The following ZNF136 variants were observed in gnomAD, a reference collection of about 807,000 sequenced individuals.
The protein encoded by ZNF136 is zinc finger protein 136.
In ZNF136, 8 loss-of-function variants were observed where a neutral mutation model predicts 11.4. The observed-to-expected ratio is 0.70, with a 90% CI of 0.41 to 1.27. The LOEUF is 1.27. Among genes scored for constraint, ZNF136 ranks in the 50% most tolerant of loss-of-function variants. The pLI is 0.01. For synonymous variants in ZNF136, 190 were observed against 207.1 expected, an observed-to-expected ratio of 0.92 and a Z score of 0.71; for missense variants, 590 against 656.5, an observed-to-expected ratio of 0.90 and a Z score of 1.11.
Position 12,187,880 on chromosome 19 carries a change from A to C in ZNF136, c.1502A>C (p.Gln501Pro), listed in dbSNP as rs1014285186. Reference sequence around the variant, plus strand: ...CTACATGAAAGGACTCACACTGGACAGAAACCCTATCATTGCAAGGAATGT... The same window carrying C: ...CTACATGAAAGGACTCACACTGGACCGAAACCCTATCATTGCAAGGAATGT... ...FRLHERTHTG[Q>P]KPYHCKECGK... is the part of the protein sequence containing the mutation. Residue 501 changes from glutamine to proline, a missense_variant, in exon 4 of 4, where the codon CAG (glutamine) becomes CCG (proline). Coordinates refer to ENST00000343979, the MANE Select transcript of ZNF136 (RefSeq NM_003437.5). 1 of 1,601,834 alleles carries C rather than the reference A, an allele frequency of 6.2e-7. No individual in the cohort carries two copies. Among genetic ancestry groups the C allele is most frequent in the Non-Finnish European group, 8.5e-7 (1 of 1,176,316 alleles).
intron 1 of ZNF136, among the ~76,000 whole-genome samples, chr19:12,181,942 T>G (rs1914953963): frequency 6.6e-6 from 1 of 152,114 alleles, no homozygotes. Flanking sequence ...GCCATTTTTT[T>G]GTGTTTTTTA....
intron 1 of ZNF136, chr19:12,169,483 G>A (rs1206398763): frequency 6.6e-6 from 1 of 152,208 alleles, no homozygotes; most frequent in Admixed American, 6.5e-5. Context: ...CATCTCCACA[G>A]TGAGAGTGTA....
intron 1 of ZNF136, among the ~76,000 whole-genome samples, chr19:12,181,479 GTTT>G (rs61067620): frequency 1.4e-5 from 2 of 140,946 alleles, no homozygotes. Context: ...ATTTGTTTTT[GTTT>G]TTTTTTTTTT....
chr19:12,181,262 C>T (rs1284388068), intron 1 of ZNF136, among the ~76,000 whole-genome samples: 1 of 152,104 alleles, frequency 6.6e-6, no homozygotes, highest in Non-Finnish European at 1.5e-5. Context: ...CAGGCCTCCT[C>T]GCCATCAGCA....
intron 1 of ZNF136, among the ~76,000 whole-genome samples, chr19:12,183,852 T>C (rs1216218345): frequency 6.6e-6 from 1 of 152,164 alleles, no homozygotes; most frequent in Admixed American, 6.5e-5. Context: ...TCCTTCTGCC[T>C]CAACCTCCCA....
intron 1 of ZNF136, among the ~76,000 whole-genome samples, chr19:12,180,419 T>C (rs1261190077): frequency 6.6e-6 from 1 of 152,158 alleles, no homozygotes; most frequent in East Asian, 1.9e-4. Context: ...GAACACAAAG[T>C]GAATAAATTC....
Position 12,187,931 on chromosome 19 carries a change from G to T in ZNF136, c.1553G>T (p.Ser518Ile). 1 of 1,569,160 alleles carries T rather than the reference G, an allele frequency of 6.4e-7. No homozygotes were observed. The highest frequency in any genetic ancestry group is 8.6e-7 in the Non-Finnish European group (1 of 1,163,850). ...ECGKAYSCRASFQRHMLTHAE... is the reference protein window; with the variant it reads ...ECGKAYSCRAIFQRHMLTHAE... ...GGGAAAGCCTATTCTTGCCGTGCCAGCTTTCAGAGACACATGTTAACACAT... is the reference window on the plus strand; with the variant it reads ...GGGAAAGCCTATTCTTGCCGTGCCATCTTTCAGAGACACATGTTAACACAT... The change falls in exon 4 of 4, where the codon AGC (serine) becomes ATC (isoleucine). Residue 518 changes from serine (S) to isoleucine (I), a missense_variant. Physicochemically the swap from Ser to Ile is moderately radical, Grantham distance 142 (BLOSUM62 -2). Transcript: ENST00000343979.
At chr19:12,177,202 CT>C (rs1453761557) in intron 1 of ZNF136, among the ~76,000 whole-genome samples, 1 of 152,166 alleles carries the variant, frequency 6.6e-6, no homozygotes, top group East Asian at 1.9e-4. Context: ...TACTGAATGT[CT>C]TCATGGTGGA....
intron 3 of ZNF136, 101 bp from the exon 4 acceptor site, chr19:12,186,469 G>A (rs1915086403): frequency 6.7e-6 from 7 of 1,039,006 alleles, no homozygotes; most frequent in South Asian, 1.7e-5. Context: ...ACTTGGCATC[G>A]AGTCTACGCT....
intron 1 of ZNF136, among the ~76,000 whole-genome samples, chr19:12,165,878 G>A (rs1458574767): frequency 6.6e-6 from 1 of 152,214 alleles, no homozygotes; most frequent in Non-Finnish European, 1.5e-5. Context: ...TATGTAGCAC[G>A]TCAGACTTAG....
At position 12,188,072 on chromosome 19, in the gene ZNF136, G is replaced by A. The variant is rs1915165849; in HGVS notation, c.*71G>A. On this transcript the variant is annotated 3_prime_UTR_variant, in exon 4 of 4. Coordinates refer to ENST00000343979, the MANE Select transcript of ZNF136 (RefSeq NM_003437.5). ...AGCCCTATGAATGTAAGTAACGTGG[G>A]AAAGCATGAAATTCTGTCAGTGCCT... The A allele has an allele frequency of 3.8e-6, 5 of 1,328,908 alleles. No homozygotes were observed. The Admixed American group carries it at 8.4e-5, about 22-fold the overall frequency. The allele number at this position is 1,328,908 out of a possible 1,614,324, so 82.3% of individuals were successfully genotyped here. A position where few individuals can be genotyped will look rare whatever the true frequency, so the allele number is the denominator to read the frequency against.
At chr19:12,182,816 G>T (rs796399230) in intron 1 of ZNF136, among the ~76,000 whole-genome samples, 12 of 152,222 alleles carry the variant, frequency 7.9e-5, no homozygotes, top group African/African-American at 2.9e-4. Context: ...TGACAGGATG[G>T]GGGTTGGGGG....
chr19:12,166,284 A>G lies in ZNF136; in HGVS notation c.3+3078A>G, dbSNP rs56274544. ...TAACAACAAATTCTTATTTTCTTTT[A>G]TTCTTTCCCAGATCATGTGTAGTAT... On this transcript the variant is annotated intron_variant, in intron 1 of 3. Coordinates refer to ENST00000343979, the MANE Select transcript of ZNF136 (RefSeq NM_003437.5). Among the ~76,000 whole-genome samples the G allele has an allele frequency of 2.6e-5, 4 of 152,058 alleles. No homozygotes were observed. In the East Asian group the frequency reaches 5.8e-4, roughly 22 times the overall value.
chr19:12,183,124 T>TTTG (rs544857401), intron 1 of ZNF136, among the ~76,000 whole-genome samples: 42 of 151,996 alleles, frequency 2.8e-4, no homozygotes, highest in East Asian at 1.7e-3. Context: ...TTTTTGTGAT[T>TTTG]TTGTTGTTGT....
chr19:12,183,294 G>C (rs1411939214), intron 1 of ZNF136, among the ~76,000 whole-genome samples: 5 of 151,084 alleles, frequency 3.3e-5, no homozygotes, highest in Admixed American at 2.6e-4. Context: ...ATAGGTGCAG[G>C]CTACACGACT....
At position 12,168,036 on chromosome 19, in the gene ZNF136, A is replaced by AT. The variant is rs1208378064; in HGVS notation, c.3+4839dup. Among the ~76,000 whole-genome samples the AT allele has an allele frequency of 7.5e-4, 44 of 58,820 alleles. No individual in the cohort carries two copies. The South Asian group carries it at 8.5e-3, about 11-fold the overall frequency. 38.6% of individuals were successfully genotyped at this position (58,820 alleles called of 152,430 possible). A position where few individuals can be genotyped will look rare whatever the true frequency, so the allele number is the denominator to read the frequency against. On this transcript the variant is annotated intron_variant, in intron 1 of 3. Transcript: ENST00000343979. Reference sequence around the variant, plus strand: ...AGCCAGATACTGACTACAAATGCCCATTTTTTTTTCTTTTCTTTTTCTTTT... The same window carrying AT: ...AGCCAGATACTGACTACAAATGCCCATTTTTTTTTTCTTTTCTTTTTCTTTT...
intron 1 of ZNF136, among the ~76,000 whole-genome samples, chr19:12,179,272 T>C (rs1195754264): frequency 6.6e-6 from 1 of 151,826 alleles, no homozygotes; most frequent in Non-Finnish European, 1.5e-5. Flanking sequence ...GACTGTGTGG[T>C]GTATCAATAG....
Position 12,186,953 on chromosome 19 carries a change from G to T in ZNF136, c.575G>T (p.Gly192Val), listed in dbSNP as rs747085446. ...RIRRHIITHS[G>V]YTPYKCKVCG... ...AGAAGACACATCATCACACACAGTG[G>T]ATATACACCATATAAATGTAAGGTG... The change falls in exon 4 of 4, where the codon GGA becomes GTA. Residue 192 changes from glycine (G) to valine (V), a missense_variant. Transcript: ENST00000343979. The T allele has an allele frequency of 3.7e-6, 6 of 1,613,952 alleles. No homozygotes were observed. The highest frequency in any genetic ancestry group is 4.2e-6 in the Non-Finnish European group (5 of 1,180,022).
At position 12,187,462 on chromosome 19, in the gene ZNF136, A is replaced by G; in HGVS notation, c.1084A>G (p.Lys362Glu). The G allele has an allele frequency of 6.2e-7, 1 of 1,613,986 alleles. No individual in the cohort carries two copies. The highest frequency in any genetic ancestry group is 8.5e-7 in the Non-Finnish European group (1 of 1,179,996). The change falls in exon 4 of 4, where the codon AAA (lysine) becomes GAA (glutamate). Residue 362 changes from lysine (K) to glutamate (E), a missense_variant. By Grantham distance (56) the Lys-to-Glu change is moderately conservative. Coordinates refer to ENST00000343979, the MANE Select transcript of ZNF136 (RefSeq NM_003437.5). ...ACATGAAAGGACTCACACTGGAGAA[A>G]AACCTTATGAATGTAAGGAATGTGG... ...QIHERTHTGE[K>E]PYECKECGEA...
Sources: gnomAD v4.1 joint callset for allele counts (sites outside exome capture counted in the v4.1 genomes callset) on GRCh38, gnomAD v4.1.1 for gene constraint, MANE v1.5 for transcripts, NCBI Gene and HGNC (gene_info 2026-07-23, HGNC 2026-07-21) for gene names.